Variants in RBFOX1 observed in about 807,000 individuals in gnomAD.
The protein encoded by RBFOX1 is RNA binding fox-1 homolog 1.
In RBFOX1, 8 loss-of-function variants were observed where a neutral mutation model predicts 57.7. That is an observed-to-expected ratio of 0.14 (90% CI 0.08 to 0.25). RBFOX1 has a LOEUF of 0.25. RBFOX1 is among the 10% of genes least tolerant of loss of function. RBFOX1 has a pLI of 1.00. For synonymous variants in RBFOX1, 326 were observed against 222.4 expected, an observed-to-expected ratio of 1.47 and a Z score of -4.15; for missense variants, 611 against 548.5, an observed-to-expected ratio of 1.11 and a Z score of -1.14.
At chr16:6,655,437 A>T (rs1460260781) in intron 3 of RBFOX1, among the ~76,000 whole-genome samples, 1 of 150,610 alleles carries the variant, frequency 6.6e-6, no homozygotes, top group Non-Finnish European at 1.5e-5. Context: ...CAACACATCA[A>T]CACATTCATA....
chr16:6,831,022 C>G (rs1340027332), intron 3 of RBFOX1, among the ~76,000 whole-genome samples: 1 of 152,194 alleles, frequency 6.6e-6, no homozygotes, highest in African/African-American at 2.4e-5. Flanking sequence ...CCATCTAAGC[C>G]TTTTCCCAAT....
chr16:7,027,059 G>A, intron 3 of RBFOX1, among the ~76,000 whole-genome samples: 1 of 152,084 alleles, frequency 6.6e-6, no homozygotes, highest in East Asian at 1.9e-4. Flanking sequence ...TAGGACCCTT[G>A]CTGAGATAGT....
chr16:5,401,458 A>T (rs183017267), intron 1 of RBFOX1, among the ~76,000 whole-genome samples: 13 of 152,224 alleles, frequency 8.5e-5, no homozygotes, highest in South Asian at 2.1e-4. Context: ...TGCTGGAACA[A>T]CTGCAGCTTT....
At chr16:5,582,010 C>G (rs965209132) in intron 2 of RBFOX1, among the ~76,000 whole-genome samples, 6 of 152,312 alleles carry the variant, frequency 3.9e-5, no homozygotes, top group Admixed American at 3.9e-4. Flanking sequence ...GCAGTTGTTT[C>G]GAACAGAAGG....
chr16:6,869,640 A>C (rs1797157239), intron 3 of RBFOX1, among the ~76,000 whole-genome samples: 1 of 152,208 alleles, frequency 6.6e-6, no homozygotes, highest in Non-Finnish European at 1.5e-5. Flanking sequence ...TTCAACTCTG[A>C]CGTGTTAGAA....
intron 1 of RBFOX1, among the ~76,000 whole-genome samples, chr16:6,152,855 AAG>A (rs2096807541): frequency 6.6e-6 from 1 of 152,122 alleles, no homozygotes; most frequent in African/African-American, 2.4e-5. Context: ...TACTTGAACA[AAG>A]AGAGAGGAGC....
At chr16:7,516,908 C>T (rs189879251) in intron 4 of RBFOX1, among the ~76,000 whole-genome samples, 116 of 151,934 alleles carry the variant, frequency 7.6e-4, no homozygotes, top group African/African-American at 2.5e-3. Flanking sequence ...AAGAGGATTT[C>T]GGATGTTGGT....
At chr16:7,091,997 C>A (rs963469313) in intron 4 of RBFOX1, among the ~76,000 whole-genome samples, 2 of 152,090 alleles carry the variant, frequency 1.3e-5, no homozygotes, top group East Asian at 1.9e-4. Flanking sequence ...AAACAATACA[C>A]GTGCCCTTTG....
intron 2 of RBFOX1, among the ~76,000 whole-genome samples, chr16:6,632,643 C>T (rs942346348): frequency 6.6e-6 from 1 of 152,152 alleles, no homozygotes; most frequent in African/African-American, 2.4e-5. Context: ...TGAGCTATTC[C>T]ACTCATGACA....
intron 1 of RBFOX1, among the ~76,000 whole-genome samples, chr16:5,437,772 G>A (rs58561190): frequency 0.12 from 18,177 of 152,042 alleles, 1,632 homozygotes; most frequent in African/African-American, 0.26. Context: ...CAATTATTCC[G>A]TTATTTCTTA....
intron 1 of RBFOX1, among the ~76,000 whole-genome samples, chr16:5,253,564 C>A (rs574681464): frequency 6.6e-6 from 1 of 152,226 alleles, no homozygotes; most frequent in South Asian, 2.1e-4. Context: ...AGGTTGTCTA[C>A]AGGCAGGTTG....
In RBFOX1 at chr16:6,820,870, G is replaced by A. The variant is rs536967411; in HGVS notation, c.-16+166220G>A. Among the ~76,000 whole-genome samples, 5 of 152,234 alleles carry A rather than the reference G, an allele frequency of 3.3e-5. No individual in the cohort carries two copies. The East Asian group carries it at 9.7e-4, about 29-fold the overall frequency. The stretch of plus-strand genomic sequence containing the variant: ...AAGTTAATTATTTTTGACCCATAGT[G>A]TTGCTGTTTTTCATCCTTTGTCATC... On this transcript the variant is annotated intron_variant, in intron 3 of 15. Coordinates refer to ENST00000550418, the MANE Select transcript of RBFOX1 (RefSeq NM_018723.4).
intron 2 of RBFOX1, among the ~76,000 whole-genome samples, chr16:6,556,473 C>T (rs988565685): frequency 6.6e-6 from 1 of 152,162 alleles, no homozygotes; most frequent in Non-Finnish European, 1.5e-5. Context: ...AAACATGTCG[C>T]CTCTGAGGTC....
intron 2 of RBFOX1, among the ~76,000 whole-genome samples, chr16:6,518,741 CTCTG>C (rs150915613): frequency 0.019 from 2,832 of 152,092 alleles, 91 homozygotes; most frequent in African/African-American, 0.064. Context: ...ATCCATCTAT[CTCTG>C]TCTGTCTGTC....
At chr16:5,909,562 A>C (rs978456565) in intron 4 of RBFOX1, among the ~76,000 whole-genome samples, 2 of 152,184 alleles carry the variant, frequency 1.3e-5, no homozygotes, top group Non-Finnish European at 2.9e-5. Flanking sequence ...CCACAGCAAC[A>C]GTTGATCCAT....
At chr16:7,661,031 C>G (rs1289316658) in intron 12 of RBFOX1, among the ~76,000 whole-genome samples, 1 of 152,166 alleles carries the variant, frequency 6.6e-6, no homozygotes, top group South Asian at 2.1e-4. Flanking sequence ...AAAGGCTAGA[C>G]TAGGGACTGA....
intron 2 of RBFOX1, among the ~76,000 whole-genome samples, chr16:6,634,324 C>G (rs375651241): frequency 3.4e-4 from 51 of 151,934 alleles, no homozygotes; most frequent in African/African-American, 1.1e-3. Context: ...TGAGTCAAAC[C>G]AATAAGGTTC....
chr16:6,866,879 T>G (rs1295836806), intron 3 of RBFOX1, among the ~76,000 whole-genome samples: 1 of 152,062 alleles, frequency 6.6e-6, no homozygotes, highest in Non-Finnish European at 1.5e-5. Flanking sequence ...CTTTTGCATG[T>G]GTATTACTTG....
At chr16:7,381,287 T>A (rs1250223270) in intron 4 of RBFOX1, among the ~76,000 whole-genome samples, 1 of 152,218 alleles carries the variant, frequency 6.6e-6, no homozygotes, top group East Asian at 1.9e-4. Context: ...GTTGTCCTTG[T>A]TGGCTCATAA....
Sources: allele counts gnomAD v4.1 joint callset (sites outside exome capture counted in the v4.1 genomes callset), GRCh38; gene constraint gnomAD v4.1.1; transcripts MANE v1.5; gene names NCBI Gene and HGNC (gene_info 2026-07-23, HGNC 2026-07-21).